The following ATP8A1 variants were observed in gnomAD, a reference collection of about 807,000 sequenced individuals.
ATP8A1 encodes ATPase phospholipid transporting 8A1, also known as phospholipid-transporting ATPase IA.
In ATP8A1, 90 loss-of-function variants were observed where a neutral mutation model predicts 177.7. The ratio of observed to expected loss-of-function variants is 0.51; its 90% CI spans 0.43 to 0.60. The LOEUF is 0.60. Among genes scored for constraint, ATP8A1 ranks in the 20% least tolerant of loss-of-function variants. The probability of loss-of-function intolerance (pLI) is 0.00; values close to 1 mark genes in which losing one functional copy is unlikely to be tolerated. For missense variants in ATP8A1, 1,072 were observed against 1,392.8 expected (o/e 0.77, Z 3.67); for synonymous variants, 493 against 485.9 (o/e 1.01, Z -0.19).
chr4:42,615,796 C>A (rs1024684790), intron 5 of ATP8A1, among the ~76,000 whole-genome samples: 7 of 152,120 alleles, frequency 4.6e-5, no homozygotes, highest in African/African-American at 1.7e-4. Context: ...GAGACTATTG[C>A]TATGAAGCAC....
intron 1 of ATP8A1, among the ~76,000 whole-genome samples, chr4:42,628,745 C>T (rs1419208672): frequency 4.6e-5 from 7 of 152,184 alleles, no homozygotes; most frequent in East Asian, 3.9e-4. Flanking sequence ...AAAATTGAGT[C>T]CTTTATTAGG....
chr4:42,538,725 A>G (rs1212723355), intron 20 of ATP8A1, among the ~76,000 whole-genome samples: 1 of 152,208 alleles, frequency 6.6e-6, no homozygotes, highest in Non-Finnish European at 1.5e-5. Flanking sequence ...TTACTCCTGC[A>G]AGAATGGCCA....
intron 1 of ATP8A1, 90 bp downstream of exon 1, chr4:42,656,735 G>A (rs986969523): frequency 3.0e-4 from 400 of 1,339,896 alleles, no homozygotes; most frequent in Non-Finnish European, 3.8e-4. Flanking sequence ...GAAGAGGTAG[G>A]ATGCGGTCTC....
intron 20 of ATP8A1, among the ~76,000 whole-genome samples, chr4:42,541,243 CAT>C (rs1370241498): frequency 1.3e-5 from 2 of 152,114 alleles, no homozygotes; most frequent in Non-Finnish European, 2.9e-5. Context: ...TCACAGAAGA[CAT>C]ATAGATGTTA....
intron 6 of ATP8A1, chr4:42,594,411 A>T (rs1734511635): frequency 9.7e-7 from 1 of 1,028,764 alleles, no homozygotes; most frequent in Non-Finnish European, 1.5e-6. Flanking sequence ...AAAGATAGTT[A>T]CAAATATACA....
At chr4:42,600,839 A>T (rs1735174797) in intron 5 of ATP8A1, among the ~76,000 whole-genome samples, 1 of 152,182 alleles carries the variant, frequency 6.6e-6, no homozygotes, top group Non-Finnish European at 1.5e-5. Context: ...AGGAAGCGAC[A>T]AGCTTAAAAA....
chr4:42,478,505 G>A (rs761987815), intron 25 of ATP8A1, among the ~76,000 whole-genome samples: 9 of 152,018 alleles, frequency 5.9e-5, no homozygotes, highest in Non-Finnish European at 1.0e-4. Context: ...TGAAACACTT[G>A]AGAATATTTT....
At chr4:42,431,374 G>A (rs1438510892) in intron 33 of ATP8A1, among the ~76,000 whole-genome samples, 1 of 152,052 alleles carries the variant, frequency 6.6e-6, no homozygotes, top group Non-Finnish European at 1.5e-5. Context: ...CACAAATTGG[G>A]AAGAACTTAC....
Position 42,443,590 on chromosome 4 carries a change from G to T in ATP8A1, c.3098C>A (p.Pro1033Gln). The part of the protein sequence containing the change: ...GIYSSLWPAI[P>Q]MAPDMSGEAA... ...CTCTCCTGACATATCAGGGGCCATC[G>T]GAATGGCAGGCCACAGAGATGAGTA... is the stretch of plus-strand genomic sequence containing the variant. The change falls in exon 33 of 37, where the codon CCG becomes CAG. Residue 1033 changes from proline (P) to glutamine (Q), a missense_variant. Physicochemically the swap from Pro to Gln is moderately conservative, Grantham distance 76. Coordinates refer to ENST00000381668, the MANE Select transcript of ATP8A1 (RefSeq NM_006095.2). The T allele has an allele frequency of 6.8e-7, 1 of 1,461,840 alleles. No individual in the cohort carries two copies. Among genetic ancestry groups the T allele is most frequent in the Non-Finnish European group, 9.6e-7 (1 of 1,041,100 alleles). The allele number at this position is 1,461,840 out of a possible 1,614,324, so 90.6% of individuals were successfully genotyped here. A position where few individuals can be genotyped will look rare whatever the true frequency, so the allele number is the denominator to read the frequency against.
intron 30 of ATP8A1, among the ~76,000 whole-genome samples, chr4:42,448,290 G>A (rs1314675531): frequency 1.3e-5 from 2 of 152,018 alleles, no homozygotes; most frequent in East Asian, 3.8e-4. Context: ...CAGTGATATG[G>A]AGTTACAAAG....
intron 15 of ATP8A1, chr4:42,562,214 A>C (rs1455077891): frequency 6.6e-6 from 1 of 152,290 alleles, no homozygotes; most frequent in Admixed American, 6.5e-5. Context: ...ACTTGGTATA[A>C]AGAACTGATG....
intron 1 of ATP8A1, among the ~76,000 whole-genome samples, chr4:42,631,500 T>C (rs140343421): frequency 5.8e-4 from 89 of 152,304 alleles, no homozygotes; most frequent in African/African-American, 1.6e-3. Flanking sequence ...GAGACTCTCA[T>C]AGCATTAGGG....
At chr4:42,542,446 A>G (rs886431585) in intron 20 of ATP8A1, among the ~76,000 whole-genome samples, 1 of 151,672 alleles carries the variant, frequency 6.6e-6, no homozygotes, top group Non-Finnish European at 1.5e-5. Flanking sequence ...AAAAAAAATT[A>G]TTTATTTATT....
At chr4:42,449,662 T>C (rs183217758) in intron 30 of ATP8A1, among the ~76,000 whole-genome samples, 132 of 152,282 alleles carry the variant, frequency 8.7e-4, no homozygotes, top group African/African-American at 3.1e-3. Flanking sequence ...AACCATAAAG[T>C]AGTTTATGCT....
chr4:42,419,300 G>T (rs937255374), intron 35 of ATP8A1, among the ~76,000 whole-genome samples: 7 of 152,224 alleles, frequency 4.6e-5, no homozygotes, highest in Admixed American at 2.0e-4. Context: ...TGCTGTACCA[G>T]GTGTTGCATT....
chr4:42,525,342 T>C (rs1370475344), intron 20 of ATP8A1, among the ~76,000 whole-genome samples: 1 of 152,158 alleles, frequency 6.6e-6, no homozygotes, highest in Admixed American at 6.5e-5. Flanking sequence ...CCCAAACTCG[T>C]TGAATCACAG....
chr4:42,512,228 G>C (rs1310054474), intron 22 of ATP8A1, among the ~76,000 whole-genome samples: 2 of 152,156 alleles, frequency 1.3e-5, no homozygotes, highest in African/African-American at 2.4e-5. Flanking sequence ...GAAGCAAATG[G>C]GATGTAAAAC....
intron 27 of ATP8A1, among the ~76,000 whole-genome samples, chr4:42,463,396 C>G (rs1477081247): frequency 6.6e-6 from 1 of 152,180 alleles, no homozygotes; most frequent in African/African-American, 2.4e-5. Context: ...TCTTTGCCCA[C>G]TGCCATCCAT....
chr4:42,459,191 G>A (rs887341680), intron 27 of ATP8A1, among the ~76,000 whole-genome samples: 1 of 152,176 alleles, frequency 6.6e-6, no homozygotes, highest in Admixed American at 6.5e-5. Context: ...TAAAGAATTT[G>A]ATCAGTGTCA....
Sources: gnomAD v4.1 joint callset for allele counts (sites outside exome capture counted in the v4.1 genomes callset) on GRCh38, gnomAD v4.1.1 for gene constraint, MANE v1.5 for transcripts, NCBI Gene and HGNC (gene_info 2026-07-23, HGNC 2026-07-21) for gene names.